TRDN: variants seen among roughly 807,000 people sequenced by gnomAD.
The protein encoded by TRDN is triadin in skeletal muscle.
In TRDN, 161 loss-of-function variants were observed where a neutral mutation model predicts 149.7. The ratio of observed to expected loss-of-function variants is 1.08; its 90% CI spans 0.95 to 1.23. The LOEUF (loss-of-function observed/expected upper bound fraction) is 1.23, where lower values mean the gene tolerates loss of function less well. Among genes scored for constraint, TRDN ranks in the 50% most tolerant of loss-of-function variants. The probability of loss-of-function intolerance (pLI) is 0.00; values close to 1 mark genes in which losing one functional copy is unlikely to be tolerated. For missense variants in TRDN, 896 were observed against 823.5 expected (o/e 1.09, Z -1.08); for synonymous variants, 294 against 250.5 (o/e 1.17, Z -1.64).
At position 123,291,516 on chromosome 6, in the gene TRDN, G is replaced by A. The variant is rs182103263; in HGVS notation, c.1511-12434C>T. 4.6e-4 allele frequency among the ~76,000 whole-genome samples: 70 copies of A among 151,686 alleles called. 1 individual carries two copies. The East Asian group carries it at 0.012, about 26-fold the overall frequency. On this transcript the variant is annotated intron_variant, in intron 24 of 40. Transcript: ENST00000334268. ...GGAGGCAGAGCTTGCAGTGAGCCGA[G>A]ATCACACCACTGCACTCCAACCTGG...
At chr6:123,220,006 C>T (rs974456634) in intron 40 of TRDN, among the ~76,000 whole-genome samples, 10 of 151,818 alleles carry the variant, frequency 6.6e-5, no homozygotes, top group African/African-American at 2.4e-4. Flanking sequence ...ATTATTATGA[C>T]TGCAAATATT....
intron 12 of TRDN, among the ~76,000 whole-genome samples, chr6:123,427,679 T>C (rs917638365): frequency 2.0e-5 from 3 of 152,184 alleles, no homozygotes; most frequent in South Asian, 2.1e-4. Context: ...AGATCAAAGT[T>C]AGAAACATGG....
intron 4 of TRDN, among the ~76,000 whole-genome samples, chr6:123,532,141 T>A (rs1780280603): frequency 6.6e-6 from 1 of 152,102 alleles, no homozygotes; most frequent in South Asian, 2.1e-4. Context: ...GATATATGGT[T>A]AATCCAAATT....
At chr6:123,535,664 G>GT (rs1209120245) in intron 4 of TRDN, among the ~76,000 whole-genome samples, 1 of 152,056 alleles carries the variant, frequency 6.6e-6, no homozygotes, top group African/African-American at 2.4e-5. Flanking sequence ...CACACAGACT[G>GT]TTTTTCCAAA....
At chr6:123,450,162 G>C (rs9490762) in intron 10 of TRDN, among the ~76,000 whole-genome samples, 1 of 151,702 alleles carries the variant, frequency 6.6e-6, no homozygotes, top group Non-Finnish European at 1.5e-5. Context: ...AATAGAAGTT[G>C]AAAAGCAAAA....
At chr6:123,501,825 G>A (rs1240899417) in intron 8 of TRDN, 1 of 880,102 alleles carries the variant, frequency 1.1e-6, no homozygotes, top group Non-Finnish European at 1.4e-6. Flanking sequence ...GACTGAAAAG[G>A]GATATGGTAA....
intron 38 of TRDN, among the ~76,000 whole-genome samples, chr6:123,251,086 G>A (rs1776354753): frequency 6.6e-6 from 1 of 152,038 alleles, no homozygotes; most frequent in Non-Finnish European, 1.5e-5. Flanking sequence ...TGTGGAATAG[G>A]GCAGCTTCCA....
rs561084255 is a variant in TRDN at position 123,596,519 on chromosome 6, G to A, written c.23-25387C>T. Among the ~76,000 whole-genome samples the A allele has an allele frequency of 4.7e-4, 71 of 152,146 alleles. No individual in the cohort carries two copies. In the Middle Eastern group the frequency reaches 0.014, roughly 29 times the overall value. On this transcript the variant is annotated intron_variant, in intron 1 of 40. Coordinates refer to ENST00000334268, the MANE Select transcript of TRDN (RefSeq NM_006073.4). ...AAACAGCCTTATATTGAAAGAAGAT[G>A]CCATTTAGGATTTTTATAAATCAAT...
At chr6:123,385,202 C>G (rs550058028) in intron 14 of TRDN, among the ~76,000 whole-genome samples, 2 of 151,852 alleles carry the variant, frequency 1.3e-5, no homozygotes, top group Admixed American at 6.6e-5. Context: ...CTGAGGAGTG[C>G]GGATCACTAG....
rs147452778 is a variant in TRDN at position 123,620,319 on chromosome 6, C to A, written c.22+16435G>T. ...ATGATCCCAAAAGTCTGAGATGTAT[C>A]CCAGTAATGTCCCTTTCCAATAAGT... On this transcript the variant is annotated intron_variant, in intron 1 of 40. Transcript: ENST00000334268. 1.1e-3 allele frequency among the ~76,000 whole-genome samples: 160 copies of A among 152,230 alleles called. 1 individual carries two copies. The highest frequency in any genetic ancestry group is 1.4e-3 in the Non-Finnish European group (98 of 68,012).
At chr6:123,502,758 A>G in intron 8 of TRDN, 2 of 984,978 alleles carry the variant, frequency 2.0e-6, no homozygotes, top group Non-Finnish European at 2.4e-6. Flanking sequence ...CTTAGATAAC[A>G]TTAGTCAAAA....
At chr6:123,593,279 G>A (rs867030053) in intron 1 of TRDN, among the ~76,000 whole-genome samples, 3 of 152,294 alleles carry the variant, frequency 2.0e-5, no homozygotes, top group Middle Eastern at 3.4e-3. Context: ...GACTTTCTGA[G>A]AAATATTCCA....
chr6:123,562,656 T>C (rs986606469), intron 2 of TRDN, among the ~76,000 whole-genome samples: 2 of 152,064 alleles, frequency 1.3e-5, no homozygotes, highest in Admixed American at 6.6e-5. Flanking sequence ...GTGAGACACA[T>C]GCAAAAAATA....
At chr6:123,507,139 C>A (rs1032471225) in intron 7 of TRDN, among the ~76,000 whole-genome samples, 1 of 151,842 alleles carries the variant, frequency 6.6e-6, no homozygotes, top group South Asian at 2.1e-4. Flanking sequence ...TAGAAATAAA[C>A]TTGTCTAAAC....
At chr6:123,224,264 A>T in intron 38 of TRDN, 133 bp from the exon 39 acceptor site, 1 of 794,608 alleles carries the variant, frequency 1.3e-6, no homozygotes, top group East Asian at 2.6e-5. Flanking sequence ...AGTCTCCATA[A>T]ATAAGAGCTG....
At chr6:123,461,395 C>T (rs1776440577) in intron 10 of TRDN, among the ~76,000 whole-genome samples, 1 of 152,080 alleles carries the variant, frequency 6.6e-6, no homozygotes, top group African/African-American at 2.4e-5. Context: ...AGTAATTCAC[C>T]TTTCTCTATT....
intron 38 of TRDN, among the ~76,000 whole-genome samples, chr6:123,243,421 T>C (rs1228190235): frequency 6.6e-6 from 1 of 151,992 alleles, no homozygotes; most frequent in Non-Finnish European, 1.5e-5. Flanking sequence ...TGTCTAGCAA[T>C]AGATCCCAAT....
intron 12 of TRDN, among the ~76,000 whole-genome samples, chr6:123,393,888 GA>G (rs1772610747): frequency 6.6e-6 from 1 of 152,118 alleles, no homozygotes; most frequent in African/African-American, 2.4e-5. Flanking sequence ...TAAATCATAA[GA>G]TAAAGATTCC....
intron 26 of TRDN, among the ~76,000 whole-genome samples, chr6:123,275,629 T>C (rs1264928044): frequency 6.6e-6 from 1 of 152,118 alleles, no homozygotes; most frequent in Non-Finnish European, 1.5e-5. Flanking sequence ...CTGAAACAAA[T>C]ACCTGTACAT....
Sources: gnomAD v4.1 joint callset for allele counts (sites outside exome capture counted in the v4.1 genomes callset) on GRCh38, gnomAD v4.1.1 for gene constraint, MANE v1.5 for transcripts, NCBI Gene and HGNC (gene_info 2026-07-23, HGNC 2026-07-21) for gene names.